PCDH11Y: variants seen among roughly 807,000 people sequenced by gnomAD.
The protein encoded by PCDH11Y is protocadherin 11 Y-linked.
For missense variants in PCDH11Y, 12 were observed against 224.8 expected (o/e 0.05, Z 6.05); for synonymous variants, 9 against 83.6 (o/e 0.11, Z 4.87).
chrY:5,376,118 G>A, intron 2 of PCDH11Y, among the ~76,000 whole-genome samples: 2 of 31,035 alleles, frequency 6.4e-5, no homozygotes, highest in Non-Finnish European at 1.6e-4. Context: ...GAATTTACCC[G>A]TCATTTCTAG....
intron 4 of PCDH11Y, among the ~76,000 whole-genome samples, chrY:5,711,158 T>C: frequency 7.0e-5 from 1 of 14,309 alleles, no homozygotes; most frequent in Non-Finnish European, 1.5e-4. Context: ...AGCTTGAAAA[T>C]GTTCAAGACT....
intron 2 of PCDH11Y, among the ~76,000 whole-genome samples, chrY:5,195,556 C>T: frequency 3.0e-5 from 1 of 32,902 alleles, no homozygotes; most frequent in Non-Finnish European, 7.5e-5. Flanking sequence ...AAGTTTGTTC[C>T]CTTAGGAAAA....
chrY:5,371,153 G>A, intron 2 of PCDH11Y, among the ~76,000 whole-genome samples: 1 of 32,119 alleles, frequency 3.1e-5, no homozygotes, highest in African/African-American at 1.2e-4. Context: ...AGACATTCCA[G>A]TCAGGTACAA....
intron 1 of PCDH11Y, among the ~76,000 whole-genome samples, chrY:5,093,742 C>CA (rs2052745037): frequency 1.2e-3 from 26 of 22,539 alleles, no homozygotes; most frequent in East Asian, 3.3e-3. Flanking sequence ...AAATAAAAGA[C>CA]AAAAAAAAAA....
At chrY:5,100,416 A>C in exon 2 of PCDH11Y, 1 of 393,544 alleles carries the variant, frequency 2.5e-6, no homozygotes, top group African/African-American at 6.9e-5. Context: ...TAGAAGAGCA[A>C]ACAATGGGAA....
intron 2 of PCDH11Y, among the ~76,000 whole-genome samples, chrY:5,255,306 T>C: frequency 6.1e-5 from 2 of 32,757 alleles, no homozygotes; most frequent in East Asian, 8.1e-4. Context: ...ATGAAAAGTT[T>C]GTCTTTCTGT....
chrY:5,470,257 T>A, intron 2 of PCDH11Y, among the ~76,000 whole-genome samples: 1 of 31,988 alleles, frequency 3.1e-5, no homozygotes, highest in Non-Finnish European at 7.8e-5. Context: ...AAAAATATGA[T>A]CTTGGACAAA....
intron 2 of PCDH11Y, among the ~76,000 whole-genome samples, chrY:5,359,711 A>C: frequency 3.1e-5 from 1 of 32,184 alleles, no homozygotes. Flanking sequence ...TCATTGTATT[A>C]AAAATGGTAG....
At chrY:5,556,641 T>C (rs2053423185) in intron 3 of PCDH11Y, among the ~76,000 whole-genome samples, 1 of 32,981 alleles carries the variant, frequency 3.0e-5, no homozygotes, top group Non-Finnish European at 7.5e-5. Context: ...GTTTCTTTTG[T>C]TGTGCAGAAG....
At chrY:5,732,567 T>TTG (rs759694978) in intron 4 of PCDH11Y, among the ~76,000 whole-genome samples, 4,852 of 28,144 alleles carry the variant, frequency 0.17, no homozygotes, top group African/African-American at 0.61. Flanking sequence ...GTTGTTGTTG[T>TTG]TGTGTGTGTG....
At chrY:5,082,385 A>T in intron 1 of PCDH11Y, among the ~76,000 whole-genome samples, 3 of 33,079 alleles carry the variant, frequency 9.1e-5, no homozygotes, top group Non-Finnish European at 1.5e-4. Context: ...TATAAGAATG[A>T]TGCTGGCCTC....
chrY:5,001,567 A>G (rs2052530438), intron 1 of PCDH11Y, among the ~76,000 whole-genome samples: 1 of 34,424 alleles, frequency 2.9e-5, no homozygotes, highest in South Asian at 6.3e-4. Flanking sequence ...GCGTAGCGAT[A>G]AAACGGCTCT....
chrY:5,438,010 C>T, intron 2 of PCDH11Y, among the ~76,000 whole-genome samples: 1 of 32,151 alleles, frequency 3.1e-5, no homozygotes, highest in Admixed American at 2.9e-4. Flanking sequence ...TTTTTCCAGG[C>T]TTTAATAACA....
At chrY:5,076,339 A>G in intron 1 of PCDH11Y, among the ~76,000 whole-genome samples, 2 of 32,967 alleles carry the variant, frequency 6.1e-5, no homozygotes, top group East Asian at 1.6e-3. Context: ...GTAGTTTGCA[A>G]TATTTTCTCC....
chrY:5,302,551 C>T, intron 2 of PCDH11Y, among the ~76,000 whole-genome samples: 1 of 31,252 alleles, frequency 3.2e-5, no homozygotes, highest in Non-Finnish European at 7.8e-5. Context: ...TTGAGTGTCT[C>T]GGTAGGGAAA....
intron 4 of PCDH11Y, among the ~76,000 whole-genome samples, chrY:5,728,790 A>C: frequency 3.1e-5 from 1 of 32,113 alleles, no homozygotes; most frequent in Non-Finnish European, 7.6e-5. Context: ...CTCCCTTCTA[A>C]TACTCTTCAG....
At chrY:5,162,950 A>T in intron 2 of PCDH11Y, among the ~76,000 whole-genome samples, 3 of 32,202 alleles carry the variant, frequency 9.3e-5, no homozygotes, top group African/African-American at 3.6e-4. Flanking sequence ...TAATGGCAAA[A>T]ATTTTCCAAA....
At chrY:5,024,003 C>A in intron 1 of PCDH11Y, among the ~76,000 whole-genome samples, 1 of 33,114 alleles carries the variant, frequency 3.0e-5, no homozygotes, top group Non-Finnish European at 7.5e-5. Context: ...ATAATTTTTC[C>A]TGCACATTTA....
chrY:5,589,448 G>A (rs2053458608), intron 4 of PCDH11Y, among the ~76,000 whole-genome samples: 1 of 33,398 alleles, frequency 3.0e-5, no homozygotes, highest in Non-Finnish European at 7.4e-5. Context: ...ACCTAGTCTC[G>A]TATGTGTCTT....
Sources: gnomAD v4.1 joint callset for allele counts (sites outside exome capture counted in the v4.1 genomes callset) on GRCh38, gnomAD v4.1.1 for gene constraint, MANE v1.5 for transcripts, NCBI Gene and HGNC (gene_info 2026-07-23, HGNC 2026-07-21) for gene names.